The following LUZP2 variants were observed in gnomAD, a reference collection of about 807,000 sequenced individuals.
LUZP2 encodes leucine zipper protein 2.
A neutral mutation model predicts 51.6 loss-of-function variants in LUZP2; 52 were observed. The ratio of observed to expected loss-of-function variants is 1.01; its 90% CI spans 0.81 to 1.27. LUZP2 has a LOEUF of 1.27. LUZP2 is among the 50% of genes most tolerant of loss of function. The pLI, the probability that LUZP2 is intolerant of heterozygous loss-of-function variation, is 0.00. For synonymous variants in LUZP2, 154 were observed against 137.3 expected, an observed-to-expected ratio of 1.12 and a Z score of -0.85; for missense variants, 436 against 395.4, an observed-to-expected ratio of 1.10 and a Z score of -0.87.
chr11:24,558,738 C>A (rs1851945112), intron 1 of LUZP2, among the ~76,000 whole-genome samples: 1 of 152,076 alleles, frequency 6.6e-6, no homozygotes, highest in South Asian at 2.1e-4. Flanking sequence ...GTTGAGGAAG[C>A]AGCTTTGTTC....
At chr11:24,837,874 A>G (rs1850905785) in intron 5 of LUZP2, among the ~76,000 whole-genome samples, 1 of 151,640 alleles carries the variant, frequency 6.6e-6, no homozygotes, top group Non-Finnish European at 1.5e-5. Context: ...AATGAGTTGG[A>G]TCTTCACAAT....
At chr11:24,899,949 G>A (rs1266297976) in intron 5 of LUZP2, among the ~76,000 whole-genome samples, 1 of 152,086 alleles carries the variant, frequency 6.6e-6, no homozygotes, top group Admixed American at 6.5e-5. Context: ...TTCTTTATAT[G>A]TCAATGCTGA....
At chr11:25,045,140 TG>T (rs1357136069) in intron 9 of LUZP2, among the ~76,000 whole-genome samples, 2 of 151,402 alleles carry the variant, frequency 1.3e-5, no homozygotes, top group Non-Finnish European at 2.9e-5. Context: ...CACACCAACA[TG>T]GCACATGTAT....
At chr11:24,895,879 G>T (rs1352426927) in intron 5 of LUZP2, among the ~76,000 whole-genome samples, 1 of 152,118 alleles carries the variant, frequency 6.6e-6, no homozygotes, top group Non-Finnish European at 1.5e-5. Flanking sequence ...TGAGTTGAAC[G>T]GTAGTTCCCT....
intron 7 of LUZP2, among the ~76,000 whole-genome samples, chr11:24,945,482 A>G (rs1190432973): frequency 6.6e-6 from 1 of 151,622 alleles, no homozygotes; most frequent in Non-Finnish European, 1.5e-5. Context: ...ACACTATCAA[A>G]AGAAGGGTTG....
At chr11:24,633,598 G>A (rs1158446249) in intron 1 of LUZP2, among the ~76,000 whole-genome samples, 1 of 151,762 alleles carries the variant, frequency 6.6e-6, no homozygotes, top group Non-Finnish European at 1.5e-5. Context: ...AAAATTTTAG[G>A]CAAGTAATAT....
chr11:25,040,157 T>C (rs2134004901), intron 9 of LUZP2, among the ~76,000 whole-genome samples: 1 of 152,214 alleles, frequency 6.6e-6, no homozygotes, highest in South Asian at 2.1e-4. Context: ...ATTCAATAAA[T>C]GCATATGAGC....
At chr11:24,876,077 T>C (rs1329371626) in intron 5 of LUZP2, among the ~76,000 whole-genome samples, 1 of 152,042 alleles carries the variant, frequency 6.6e-6, no homozygotes, top group African/African-American at 2.4e-5. Context: ...GATGGTAGTT[T>C]CTTTTGCTGT....
intron 10 of LUZP2, among the ~76,000 whole-genome samples, chr11:25,067,013 T>C (rs917865851): frequency 6.6e-6 from 1 of 152,004 alleles, no homozygotes; most frequent in South Asian, 2.1e-4. Flanking sequence ...TTGTTGTCTG[T>C]GGTGAGTACA....
Position 24,864,630 on chromosome 11 carries a change from C to A in LUZP2, c.397-41361C>A, listed in dbSNP as rs151179691. ...GTTTGGTCAGATACATTAGGTGATT[C>A]TTTTACATTCCATGTTAGTGAAAAA... On this transcript the variant is annotated intron_variant, in intron 5 of 11. Transcript: ENST00000336930. 1.4e-3 allele frequency among the ~76,000 whole-genome samples: 217 copies of A among 152,248 alleles called. 1 individual carries two copies. Among genetic ancestry groups the A allele is most frequent in the Non-Finnish European group, 1.5e-3 (103 of 68,012 alleles).
chr11:24,950,396 A>T (rs1296780519), intron 7 of LUZP2, among the ~76,000 whole-genome samples: 1 of 151,650 alleles, frequency 6.6e-6, no homozygotes, highest in African/African-American at 2.4e-5. Context: ...TCCAGTTGTG[A>T]ATGCTTCATA....
intron 1 of LUZP2, among the ~76,000 whole-genome samples, chr11:24,678,240 T>C (rs1247659638): frequency 6.6e-6 from 1 of 152,146 alleles, no homozygotes; most frequent in Non-Finnish European, 1.5e-5. Context: ...ATAGTAACCA[T>C]TCAATACGTT....
At chr11:24,972,149 A>AAAC (rs1855756859) in intron 7 of LUZP2, among the ~76,000 whole-genome samples, 2 of 150,148 alleles carry the variant, frequency 1.3e-5, no homozygotes, top group Admixed American at 6.6e-5. Context: ...GAAAAAAAAA[A>AAAC]AAAAAAAAAA....
intron 7 of LUZP2, among the ~76,000 whole-genome samples, chr11:24,959,041 G>A (rs373736078): frequency 5.9e-5 from 9 of 152,104 alleles, no homozygotes; most frequent in African/African-American, 2.2e-4. Context: ...TTTTTCTCAG[G>A]TTTGTCAAAG....
chr11:24,664,415 C>A (rs1856141836), intron 1 of LUZP2, among the ~76,000 whole-genome samples: 1 of 152,108 alleles, frequency 6.6e-6, no homozygotes, highest in African/African-American at 2.4e-5. Flanking sequence ...AGAACAAAAA[C>A]CCATTTTCTG....
chr11:24,868,240 T>C (rs1444507677), intron 5 of LUZP2, among the ~76,000 whole-genome samples: 1 of 150,620 alleles, frequency 6.6e-6, no homozygotes, highest in Admixed American at 6.6e-5. Context: ...CAGAGATAAA[T>C]TCTTCCTTAC....
chr11:24,889,297 G>A (rs1205879968), intron 5 of LUZP2, among the ~76,000 whole-genome samples: 2 of 152,266 alleles, frequency 1.3e-5, no homozygotes, highest in East Asian at 3.9e-4. Context: ...GCATGTACTG[G>A]AGGCGTGTAA....
At chr11:24,984,380 A>G (rs1373620335) in intron 9 of LUZP2, among the ~76,000 whole-genome samples, 1 of 150,988 alleles carries the variant, frequency 6.6e-6, no homozygotes, top group Non-Finnish European at 1.5e-5. Flanking sequence ...TTTTATGTGT[A>G]ACTAGTCAAC....
chr11:24,931,201 C>G (rs1854437687), intron 7 of LUZP2, among the ~76,000 whole-genome samples: 1 of 148,284 alleles, frequency 6.7e-6, no homozygotes, highest in South Asian at 2.1e-4. Context: ...CAGAGTGAGA[C>G]TCTGTCTCAA....
Sources: allele counts gnomAD v4.1 joint callset (sites outside exome capture counted in the v4.1 genomes callset), GRCh38; gene constraint gnomAD v4.1.1; transcripts MANE v1.5; gene names NCBI Gene and HGNC (gene_info 2026-07-23, HGNC 2026-07-21).